MYOM2: variants seen among roughly 807,000 people sequenced by gnomAD.
MYOM2 encodes the protein myomesin 2, also known as myomesin-2.
Under a neutral mutation model 187.6 loss-of-function variants are expected in MYOM2, and 254 were observed. The ratio of observed to expected loss-of-function variants is 1.35; its 90% CI spans 1.22 to 1.50. The LOEUF (loss-of-function observed/expected upper bound fraction) is 1.50. Ranked by LOEUF, MYOM2 falls within the 40% of genes most tolerant of loss-of-function variation. MYOM2 has a pLI of 0.00. For missense variants in MYOM2, 2,796 were observed against 1,924.0 expected (o/e 1.45, Z -8.48); for synonymous variants, 981 against 753.8 (o/e 1.30, Z -4.94).
intron 28 of MYOM2, among the ~76,000 whole-genome samples, chr8:2,122,463 C>G (rs1383606854): frequency 6.6e-6 from 1 of 152,226 alleles, no homozygotes; most frequent in South Asian, 2.1e-4. Context: ...TGCCATTTCC[C>G]ATAGCGGATG....
chr8:2,141,322 C>A (rs968463611), intron 34 of MYOM2, 145 bp downstream of exon 34: 1 of 631,678 alleles, frequency 1.6e-6, no homozygotes, highest in Non-Finnish European at 2.8e-6. Flanking sequence ...TTAAGCAATG[C>A]AGTATATGGA....
intron 14 of MYOM2, among the ~76,000 whole-genome samples, chr8:2,086,461 C>T (rs1007051837): frequency 2.1e-5 from 3 of 139,868 alleles, no homozygotes; most frequent in African/African-American, 8.6e-5. Context: ...GTGATCTCCA[C>T]GTGGCCACAC....
chr8:2,097,009 C>G, intron 18 of MYOM2: 1 of 526,664 alleles, frequency 1.9e-6, no homozygotes, highest in Non-Finnish European at 2.4e-6. Context: ...GTTTCCCTGT[C>G]CGGCCCTTGA....
At chr8:2,051,324 G>C (rs1818477990) in intron 2 of MYOM2, among the ~76,000 whole-genome samples, 1 of 152,140 alleles carries the variant, frequency 6.6e-6, no homozygotes, top group Non-Finnish European at 1.5e-5. Context: ...CCGAGATCAA[G>C]AATCCCTGCC....
Position 2,078,837 on chromosome 8 carries a change from C to G in MYOM2, c.1366C>G (p.Arg456Gly), listed in dbSNP as rs143448287. The G allele has an allele frequency of 2.7e-5, 44 of 1,613,966 alleles. No individual in the cohort carries two copies. The highest frequency in any genetic ancestry group is 3.6e-5 in the Non-Finnish European group (43 of 1,180,004). ...GLFEGRSYIF[R>G]VRAVNSAGIS... ...TTTTGAAGGAAGGTCTTACATATTC[C>G]GAGTGAGGGCAGTGAACAGTGCGGG... The change falls in exon 12 of 37, where the codon CGA (arginine) becomes GGA (glycine). Residue 456 changes from arginine (R) to glycine (G), a missense_variant. Arg to Gly is a moderately radical substitution (Grantham distance 125, BLOSUM62 -2). Coordinates refer to ENST00000262113, the MANE Select transcript of MYOM2 (RefSeq NM_003970.4).
chr8:2,110,571 C>G (rs1797036881), intron 25 of MYOM2, among the ~76,000 whole-genome samples: 1 of 152,120 alleles, frequency 6.6e-6, no homozygotes, highest in Non-Finnish European at 1.5e-5. Context: ...TTGGGGCTCT[C>G]TCAGAGCCCC....
rs762348648 is a variant in MYOM2, at chr8:2,090,145, C to A, written c.1782C>A (p.Ser594Arg). ...TGTCAGCAAACCGGCATGGCCTGAG[C>A]GAACCTTCGGAGATAACGTCCCCCA... ...RVLSANRHGL[S>R]EPSEITSPIQ... The change falls in exon 15 of 37, where the codon AGC (serine) becomes AGA (arginine). Residue 594 changes from serine (S) to arginine (R), a missense_variant. Coordinates refer to ENST00000262113, the MANE Select transcript of MYOM2 (RefSeq NM_003970.4). 1 of 1,613,878 alleles carries A rather than the reference C, an allele frequency of 6.2e-7. No homozygotes were observed. The highest frequency in any genetic ancestry group is 1.3e-5 in the African/African-American group (1 of 74,912).
intron 21 of MYOM2, among the ~76,000 whole-genome samples, chr8:2,105,431 C>G (rs945574773): frequency 1.6e-4 from 25 of 152,084 alleles, no homozygotes; most frequent in African/African-American, 5.3e-4. Context: ...TCACCTGGGT[C>G]AAAAAGTAGC....
intron 25 of MYOM2, among the ~76,000 whole-genome samples, chr8:2,110,566 G>T (rs542884282): frequency 9.9e-5 from 15 of 152,226 alleles, no homozygotes; most frequent in Admixed American, 7.8e-4. Flanking sequence ...GTGGCTTGGG[G>T]CTCTCTCAGA....
chr8:2,079,158 A>G (rs989237829), intron 12 of MYOM2, among the ~76,000 whole-genome samples: 2 of 152,012 alleles, frequency 1.3e-5, no homozygotes, highest in Admixed American at 1.3e-4. Context: ...TCTCCTCCAG[A>G]AAGCTCTTTG....
chr8:2,049,460 T>C (rs759613228), intron 1 of MYOM2, among the ~76,000 whole-genome samples: 5 of 152,194 alleles, frequency 3.3e-5, no homozygotes, highest in Non-Finnish European at 7.3e-5. Context: ...AGGAGCAATT[T>C]ATGTACTGTG....
At chr8:2,077,770 C>G (rs73657721) in intron 11 of MYOM2, among the ~76,000 whole-genome samples, 21 of 152,198 alleles carry the variant, frequency 1.4e-4, no homozygotes, top group Admixed American at 3.3e-4. Context: ...TTCAAAGCAA[C>G]GGAACACTTT....
At chr8:2,086,573 G>T (rs1274220371) in intron 14 of MYOM2, among the ~76,000 whole-genome samples, 6 of 151,390 alleles carry the variant, frequency 4.0e-5, no homozygotes, top group Non-Finnish European at 8.8e-5. Context: ...GTTCATCAGT[G>T]GGTCCAGACC....
chr8:2,069,204 G>A, intron 6 of MYOM2, 74 bp from the exon 7 acceptor site: 1 of 1,418,430 alleles, frequency 7.1e-7, no homozygotes, highest in Non-Finnish European at 9.7e-7. Context: ...TTCGAGGAAT[G>A]CTTTTGTGCA....
At chr8:2,064,096 A>T (rs1332489132) in intron 6 of MYOM2, among the ~76,000 whole-genome samples, 1 of 152,186 alleles carries the variant, frequency 6.6e-6, no homozygotes, top group Non-Finnish European at 1.5e-5. Flanking sequence ...TCCCAAGTGG[A>T]CACAGGCTAA....
At chr8:2,110,929 G>C (rs958385905) in intron 25 of MYOM2, among the ~76,000 whole-genome samples, 2 of 152,190 alleles carry the variant, frequency 1.3e-5, no homozygotes, top group African/African-American at 2.4e-5. Context: ...CTCCTACGTG[G>C]GAGAGTCGGC....
chr8:2,092,434 G>A lies in MYOM2; in HGVS notation c.1917G>A (p.Glu639=). 1.2e-6 allele frequency: 2 copies of A among 1,614,178 alleles called. No homozygotes were observed. The highest frequency in any genetic ancestry group is 1.1e-5 in the South Asian group (1 of 91,086). Residue 639 remains glutamate (E), a synonymous_variant, in exon 16 of 37, where the codon GAG becomes GAA. Transcript: ENST00000262113. Reference sequence around the variant, plus strand: ...AGTGGGACCGACCTAAGCATGAGGAGGACCTGCTGGGCTACTACGTGGACT... The same window carrying A: ...AGTGGGACCGACCTAAGCATGAGGAAGACCTGCTGGGCTACTACGTGGACT... ...VVQWDRPKHE[E]DLLGYYVDCC...
intron 25 of MYOM2, among the ~76,000 whole-genome samples, chr8:2,115,072 G>A (rs1381790592): frequency 6.6e-6 from 1 of 151,026 alleles, no homozygotes; most frequent in East Asian, 1.9e-4. Context: ...GTGAAAAAGT[G>A]AAATTTAAGT....
At chr8:2,124,914 C>G (rs1797585106) in intron 31 of MYOM2, among the ~76,000 whole-genome samples, 1 of 152,082 alleles carries the variant, frequency 6.6e-6, no homozygotes, top group Non-Finnish European at 1.5e-5. Context: ...CTGTTCAGAT[C>G]CTTTGCCCAT....
Sources: allele counts gnomAD v4.1 joint callset (sites outside exome capture counted in the v4.1 genomes callset), GRCh38; gene constraint gnomAD v4.1.1; transcripts MANE v1.5; gene names NCBI Gene and HGNC (gene_info 2026-07-23, HGNC 2026-07-21).